The following SLC25A21 variants were observed in gnomAD, a reference collection of about 807,000 sequenced individuals.
The protein encoded by SLC25A21 is mitochondrial 2-oxodicarboxylate carrier.
SLC25A21 carries 47 observed loss-of-function variants against 43.8 expected under a neutral mutation model. The observed-to-expected ratio is 1.07, with a 90% CI of 0.85 to 1.37. The LOEUF (loss-of-function observed/expected upper bound fraction) is 1.37, where lower values mean the gene tolerates loss of function less well. Ranked by LOEUF, SLC25A21 falls within the 40% of genes most tolerant of loss-of-function variation. SLC25A21 has a pLI of 0.00. For missense variants in SLC25A21, 352 were observed against 350.2 expected (o/e 1.00, Z -0.04); for synonymous variants, 131 against 121.3 (o/e 1.08, Z -0.52).
At chr14:36,956,076 C>A (rs1302094025) in intron 1 of SLC25A21, among the ~76,000 whole-genome samples, 1 of 152,012 alleles carries the variant, frequency 6.6e-6, no homozygotes, top group Non-Finnish European at 1.5e-5. Context: ...GTCAGAGATA[C>A]CCCCCACTAT....
At chr14:36,941,876 TTAAA>T (rs1158264796) in intron 1 of SLC25A21, among the ~76,000 whole-genome samples, 4 of 152,058 alleles carry the variant, frequency 2.6e-5, no homozygotes, top group South Asian at 2.1e-4. Flanking sequence ...TTTCAAATGT[TTAAA>T]TAAATTTTTT....
chr14:36,896,987 C>T (rs541679406), intron 1 of SLC25A21, among the ~76,000 whole-genome samples: 122 of 152,212 alleles, frequency 8.0e-4, no homozygotes, highest in African/African-American at 2.7e-3. Flanking sequence ...TACTTCATTT[C>T]GACTTTGGTG....
chr14:36,864,473 G>T (rs972060898), intron 2 of SLC25A21, among the ~76,000 whole-genome samples: 1 of 152,162 alleles, frequency 6.6e-6, no homozygotes, highest in African/African-American at 2.4e-5. Flanking sequence ...AATCAATACA[G>T]TATTGTGGTC....
At chr14:36,978,242 A>C (rs1217944874) in intron 1 of SLC25A21, among the ~76,000 whole-genome samples, 1 of 152,142 alleles carries the variant, frequency 6.6e-6, no homozygotes, top group Non-Finnish European at 1.5e-5. Context: ...TGGAGATACT[A>C]TGGGTTTGGT....
chr14:37,034,712 T>C (rs1961290946), intron 1 of SLC25A21, among the ~76,000 whole-genome samples: 1 of 152,172 alleles, frequency 6.6e-6, no homozygotes, highest in Non-Finnish European at 1.5e-5. Flanking sequence ...CAGAGTACAC[T>C]CAACCATCTG....
chr14:36,740,776 T>C (rs1240986710), intron 3 of SLC25A21, among the ~76,000 whole-genome samples: 1 of 152,142 alleles, frequency 6.6e-6, no homozygotes, highest in Non-Finnish European at 1.5e-5. Context: ...CTGTGGTTCA[T>C]GTAGAGCAAG....
Position 36,680,466 on chromosome 14 carries a change from G to C in SLC25A21, c.*192C>G. The stretch of plus-strand genomic sequence containing the variant: ...TTCATATTATTTTTTTCTTCTCACA[G>C]TTTTATTTATACAGCCAAAACTATA... On this transcript the variant is annotated 3_prime_UTR_variant, in exon 10 of 10. Coordinates refer to ENST00000331299, the MANE Select transcript of SLC25A21 (RefSeq NM_030631.4). The C allele has an allele frequency of 8.2e-7, 1 of 1,214,020 alleles. No individual in the cohort carries two copies. The highest frequency in any genetic ancestry group is 1.0e-6 in the Non-Finnish European group (1 of 972,944). The allele number at this position is 1,214,020 out of a possible 1,614,324, so 75.2% of individuals were successfully genotyped here. A position where few individuals can be genotyped will look rare whatever the true frequency, so the allele number is the denominator to read the frequency against.
At chr14:36,922,810 C>T (rs1691084041) in intron 1 of SLC25A21, among the ~76,000 whole-genome samples, 1 of 152,024 alleles carries the variant, frequency 6.6e-6, no homozygotes, top group South Asian at 2.1e-4. Flanking sequence ...AACTTAAGAA[C>T]CAGCTTTGAA....
chr14:37,018,940 T>A (rs988922717), intron 1 of SLC25A21, among the ~76,000 whole-genome samples: 1 of 152,016 alleles, frequency 6.6e-6, no homozygotes, highest in African/African-American at 2.4e-5. Context: ...TAGAAAATAC[T>A]CTGAATATAG....
intron 1 of SLC25A21, among the ~76,000 whole-genome samples, chr14:37,083,491 A>C (rs1445131580): frequency 6.6e-6 from 1 of 152,246 alleles, no homozygotes; most frequent in Non-Finnish European, 1.5e-5. Context: ...TTTACTCTTC[A>C]TAACATTTAT....
At chr14:36,771,076 C>T (rs1274448131) in intron 3 of SLC25A21, among the ~76,000 whole-genome samples, 2 of 152,116 alleles carry the variant, frequency 1.3e-5, no homozygotes, top group Admixed American at 6.6e-5. Context: ...CTGTGATAAA[C>T]AAGAGGTGAA....
chr14:36,683,283 C>A (rs1480182860), intron 9 of SLC25A21, among the ~76,000 whole-genome samples: 1 of 152,186 alleles, frequency 6.6e-6, no homozygotes, highest in African/African-American at 2.4e-5. Flanking sequence ...AGGCCCTGAG[C>A]CAGAAGCCTC....
intron 5 of SLC25A21, among the ~76,000 whole-genome samples, chr14:36,726,702 A>C (rs1241068923): frequency 2.0e-5 from 3 of 152,360 alleles, no homozygotes; most frequent in African/African-American, 7.2e-5. Flanking sequence ...ACATGCACAC[A>C]CAAGACAGAA....
chr14:37,054,244 T>C lies in SLC25A21; in HGVS notation c.70+118037A>G, dbSNP rs1266044655. On this transcript the variant is annotated intron_variant, in intron 1 of 9. Coordinates refer to ENST00000331299, the MANE Select transcript of SLC25A21 (RefSeq NM_030631.4). ...CCTCCCAGCCATACTCACCAAGCCATCATACATGTGAGTAAAGCCAACTAG... is the reference window on the plus strand; with the variant it reads ...CCTCCCAGCCATACTCACCAAGCCACCATACATGTGAGTAAAGCCAACTAG... Among the ~76,000 whole-genome samples the C allele has an allele frequency of 2.6e-5, 4 of 152,116 alleles. No individual in the cohort carries two copies. The East Asian group carries it at 5.8e-4, about 22-fold the overall frequency.
intron 2 of SLC25A21, among the ~76,000 whole-genome samples, chr14:36,816,439 G>GT (rs1888458334): frequency 6.6e-6 from 1 of 151,544 alleles, no homozygotes; most frequent in East Asian, 1.9e-4. Flanking sequence ...GGGCAAGCTT[G>GT]TTGGGTAGTC....
At chr14:36,801,180 AGGGGCTACT>A (rs1300666308) in intron 3 of SLC25A21, among the ~76,000 whole-genome samples, 1 of 152,118 alleles carries the variant, frequency 6.6e-6, no homozygotes, top group Non-Finnish European at 1.5e-5. Context: ...CTCAGCCTCA[AGGGGCTACT>A]GAAGTCTCTG....
chr14:37,165,870 A>G (rs1310952588), intron 1 of SLC25A21, among the ~76,000 whole-genome samples: 2 of 152,136 alleles, frequency 1.3e-5, no homozygotes, highest in Admixed American at 1.3e-4. Context: ...AAGAATGGGA[A>G]AGTCTGAGAT....
At chr14:36,875,782 T>G (rs545742931) in intron 1 of SLC25A21, among the ~76,000 whole-genome samples, 21 of 152,284 alleles carry the variant, frequency 1.4e-4, no homozygotes, top group African/African-American at 5.1e-4. Context: ...GCAAATAAAT[T>G]GTAACACTCT....
intron 1 of SLC25A21, among the ~76,000 whole-genome samples, chr14:36,880,604 T>C (rs1328484825): frequency 6.6e-6 from 1 of 151,406 alleles, no homozygotes; most frequent in African/African-American, 2.4e-5. Context: ...ATAAGTAAAT[T>C]AATGCTCATT....
Sources: gnomAD v4.1 joint callset for allele counts (sites outside exome capture counted in the v4.1 genomes callset) on GRCh38, gnomAD v4.1.1 for gene constraint, MANE v1.5 for transcripts, NCBI Gene and HGNC (gene_info 2026-07-23, HGNC 2026-07-21) for gene names.